The following DPP9 variants were observed in gnomAD, a reference collection of about 807,000 sequenced individuals.
DPP9 encodes dipeptidyl peptidase IV-related protein-2.
DPP9 carries 50 observed loss-of-function variants against 110.7 expected under a neutral mutation model. That is an observed-to-expected ratio of 0.45 (90% CI 0.36 to 0.57). The LOEUF is 0.57. DPP9 is among the 20% of genes least tolerant of loss of function. The pLI is 0.00. For synonymous variants in DPP9, 561 were observed against 514.4 expected, an observed-to-expected ratio of 1.09 and a Z score of -1.23; for missense variants, 1,022 against 1,217.9, an observed-to-expected ratio of 0.84 and a Z score of 2.39.
rs184824601 is a variant in DPP9, at chr19:4,714,239, C to T, written c.155G>A (p.Arg52His). 2,152 of 1,591,590 alleles carry T rather than the reference C, an allele frequency of 1.4e-3. 1 individual carries two copies. The highest frequency in any genetic ancestry group is 1.8e-3 in the Non-Finnish European group (2,063 of 1,169,910). ...CCACGAGTGCTTCTGCACCTGGAAG[C>T]GGGCGGCCGGGTCATCTGTGGCGGC... ...DAAATDDPAARFQVQKHSWDG... is the reference protein window; with the variant it reads ...DAAATDDPAAHFQVQKHSWDG... Residue 52 changes from arginine (R) to histidine (H), a missense_variant, in exon 4 of 22, where the codon CGC becomes CAC. Coordinates refer to ENST00000262960, the MANE Select transcript of DPP9 (RefSeq NM_139159.5).
rs753775746 is a variant in DPP9, at chr19:4,689,827, C to G, written c.1597-105G>C. On this transcript the variant is annotated intron_variant, in intron 14 of 21. Transcript: ENST00000262960. The surrounding 1 kb of genome is among the most constrained non-coding windows in gnomAD (Gnocchi z 7.0). ...GGCCCCATGTTCCTCGGACTGGGGA[C>G]GCATGCTGTCCTCGCCCAAGTCTGG... The G allele has an allele frequency of 8.0e-7, 1 of 1,252,534 alleles. No homozygotes were observed. Among genetic ancestry groups the G allele is most frequent in the Admixed American group, 2.8e-5 (1 of 35,792 alleles). The allele number at this position is 1,252,534 out of a possible 1,614,324, so 77.6% of individuals were successfully genotyped here. A position where few individuals can be genotyped will look rare whatever the true frequency, so the allele number is the denominator to read the frequency against.
At chr19:4,691,293 G>A (rs1243005559) in intron 13 of DPP9, among the ~76,000 whole-genome samples, 4 of 151,948 alleles carry the variant, frequency 2.6e-5, no homozygotes, top group Non-Finnish European at 4.4e-5. Flanking sequence ...GGGCAACATA[G>A]GGAGACCCTG....
intron 7 of DPP9, among the ~76,000 whole-genome samples, chr19:4,702,993 C>T (rs1415021427): frequency 1.3e-5 from 2 of 151,692 alleles, no homozygotes; most frequent in Non-Finnish European, 2.9e-5. Flanking sequence ...TGTCCCTGGC[C>T]TCCACTCACC....
chr19:4,688,765 T>G lies in DPP9; in HGVS notation c.1877A>C (p.Glu626Ala). 6.9e-7 allele frequency: 1 copy of G among 1,446,996 alleles called. No homozygotes were observed. Among genetic ancestry groups the G allele is most frequent in the Non-Finnish European group, 9.1e-7 (1 of 1,104,378 alleles). 89.6% of individuals were successfully genotyped at this position (1,446,996 alleles called of 1,614,324 possible). A position where few individuals can be genotyped will look rare whatever the true frequency, so the allele number is the denominator to read the frequency against. ...KQPRFWASMM[E>A]AASCPPDYVP... is the part of the protein sequence containing the mutation. ...GGGCAGGGGCTACTCACTGGCTGCCTCCATCATGCTAGCCCAGAAGCGGGG... is the reference window on the plus strand; with the variant it reads ...GGGCAGGGGCTACTCACTGGCTGCCGCCATCATGCTAGCCCAGAAGCGGGG... Residue 626 changes from glutamate (E) to alanine (A), a missense_variant, in exon 16 of 22, where the codon GAG becomes GCG. This residue lies in a region of DPP9 where 810 missense variants were observed against 920.6 expected (regional missense o/e 0.88). Transcript: ENST00000262960.
chr19:4,688,931 G>T, intron 15 of DPP9, 39 bp from the exon 16 acceptor site: 2 of 1,497,244 alleles, frequency 1.3e-6, no homozygotes, highest in Non-Finnish European at 1.8e-6. Context: ...ACGGGATGCC[G>T]CTGCGCCCTT....
chr19:4,694,746 C>A lies in DPP9; in HGVS notation c.1431G>T (p.Lys477Asn), dbSNP rs956480506. Residue 477 changes from lysine (K) to asparagine (N), a missense_variant, in exon 13 of 22, where the codon AAG becomes AAT. Lys to Asn is a moderately conservative substitution (Grantham distance 94, BLOSUM62 0). This residue lies in a region of DPP9 where 810 missense variants were observed against 920.6 expected (regional missense o/e 0.88). Transcript: ENST00000262960. This position sits in a 1 kb window ranked among gnomAD's most constrained non-coding sequence, Gnocchi z 4.0. ...ELCFLRANEC[K>N]TGFCHLYKVT... ...CTTTGTACAAATGGCAGAAGCCGGTCTTGCATTCATTGGCGCGGAGAAAGC... is the reference window on the plus strand; with the variant it reads ...CTTTGTACAAATGGCAGAAGCCGGTATTGCATTCATTGGCGCGGAGAAAGC... 6 of 1,613,804 alleles carry A rather than the reference C, an allele frequency of 3.7e-6. No homozygotes were observed. Among genetic ancestry groups the A allele is most frequent in the Non-Finnish European group, 5.1e-6 (6 of 1,179,874 alleles).
rs1407091207 is a variant in DPP9, at chr19:4,675,558, T to G, written c.*1006A>C. The G allele has an allele frequency of 6.6e-6, 1 of 152,078 alleles. No homozygotes were observed. The allele number at this position is 152,078 out of a possible 1,614,324, so 9.4% of individuals were successfully genotyped here. Reference sequence around the variant, plus strand: ...CCACTGACCAGCAGAGCGTGGAAGTTCGGTGCGTTTCAGTGCCTGCCTGAA... The same window carrying G: ...CCACTGACCAGCAGAGCGTGGAAGTGCGGTGCGTTTCAGTGCCTGCCTGAA... On this transcript the variant is annotated 3_prime_UTR_variant, in exon 22 of 22. Coordinates refer to ENST00000262960, the MANE Select transcript of DPP9 (RefSeq NM_139159.5).
rs898682163 is a variant in DPP9 at position 4,682,355 on chromosome 19, C to T, written c.2474+341G>A. Among the ~76,000 whole-genome samples the T allele has an allele frequency of 7.9e-5, 12 of 152,330 alleles. No individual in the cohort carries two copies. The highest frequency in any genetic ancestry group is 6.5e-4 in the Admixed American group (10 of 15,304). Reference sequence around the variant, plus strand: ...CACAAGACAGAGGCTGTGATGGGGCCTCCAGCAGGATGCAGGGGAGTGGGG... The same window carrying T: ...CACAAGACAGAGGCTGTGATGGGGCTTCCAGCAGGATGCAGGGGAGTGGGG... On this transcript the variant is annotated intron_variant, in intron 20 of 21. Transcript: ENST00000262960. The surrounding 1 kb of genome is among the most constrained non-coding windows in gnomAD (Gnocchi z 7.1).
intron 21 of DPP9, among the ~76,000 whole-genome samples, chr19:4,679,075 C>T (rs1332805020): frequency 2.6e-5 from 4 of 151,362 alleles, no homozygotes; most frequent in Admixed American, 6.6e-5. Flanking sequence ...GAGGGCCCCC[C>T]CTCCTCTACA....
At position 4,704,364 on chromosome 19, in the gene DPP9, C is replaced by G; in HGVS notation, c.427-60G>C. 1.3e-6 allele frequency: 2 copies of G among 1,565,596 alleles called. No homozygotes were observed. Among genetic ancestry groups the G allele is most frequent in the Non-Finnish European group, 1.7e-6 (2 of 1,151,918 alleles). On this transcript the variant is annotated intron_variant, in intron 5 of 21. Coordinates refer to ENST00000262960, the MANE Select transcript of DPP9 (RefSeq NM_139159.5). This position sits in a 1 kb window ranked among gnomAD's most constrained non-coding sequence, Gnocchi z 6.0. ...TGGGCAAAGAGGATCTCCCGCTGGC[C>G]AGGGCAGAGATCCTCGGGCTGGGGC...
rs2090054729 is a variant in DPP9 at position 4,682,577 on chromosome 19, T to C, written c.2474+119A>G. Reference sequence around the variant, plus strand: ...AGGAGCACAGCGGGGAGGCTCCACATGGCCTGAGGCTCCCTGGGCAGGGCC... The same window carrying C: ...AGGAGCACAGCGGGGAGGCTCCACACGGCCTGAGGCTCCCTGGGCAGGGCC... On this transcript the variant is annotated intron_variant, in intron 20 of 21. Coordinates refer to ENST00000262960, the MANE Select transcript of DPP9 (RefSeq NM_139159.5). This position sits in a 1 kb window ranked among gnomAD's most constrained non-coding sequence, Gnocchi z 7.1. 1.3e-5 allele frequency: 18 copies of C among 1,438,458 alleles called. No individual in the cohort carries two copies. In the South Asian group the frequency reaches 2.4e-4, roughly 19 times the overall value. 89.1% of individuals were successfully genotyped at this position (1,438,458 alleles called of 1,614,324 possible). A position where few individuals can be genotyped will look rare whatever the true frequency, so the allele number is the denominator to read the frequency against.
chr19:4,677,878 G>A (rs1293467200), intron 21 of DPP9, among the ~76,000 whole-genome samples: 5 of 152,184 alleles, frequency 3.3e-5, no homozygotes, highest in African/African-American at 7.2e-5. Context: ...CCCAAGGCCC[G>A]GCATGTGACA....
In DPP9 at chr19:4,698,233, G is replaced by A. The variant is rs1461573273; in HGVS notation, c.1075-582C>T. On this transcript the variant is annotated intron_variant, in intron 10 of 21. Transcript: ENST00000262960. The surrounding 1 kb of genome is among the most constrained non-coding windows in gnomAD (Gnocchi z 4.2). ...CCCCATGCTTAAACAGGGCTGGCAC[G>A]GCGTTTCCAGGGTATTGAGAGATAG... Among the ~76,000 whole-genome samples, 2 of 152,144 alleles carry A rather than the reference G, an allele frequency of 1.3e-5. No homozygotes were observed. The highest frequency in any genetic ancestry group is 2.1e-4 in the South Asian group (1 of 4,820).
At chr19:4,703,540 G>A (rs1247455374) in intron 7 of DPP9, among the ~76,000 whole-genome samples, 1 of 151,924 alleles carries the variant, frequency 6.6e-6, no homozygotes, top group Non-Finnish European at 1.5e-5. Context: ...GGAGGCTGAG[G>A]CAGGAGAATC....
Position 4,704,037 on chromosome 19 carries a change from C to T in DPP9, c.618G>A (p.Pro206=), listed in dbSNP as rs771392403. ...CTGAGCACTGGGTCTTGATTTCCAG[C>T]GGTTTCATAGGGGACACCTGAGGAC... ...KNGFMVSPMK[P]LEIKTQCSGP... Residue 206 remains proline (P), a synonymous_variant, in exon 7 of 22, where the codon CCG becomes CCA. Transcript: ENST00000262960. The surrounding 1 kb of genome is among the most constrained non-coding windows in gnomAD (Gnocchi z 6.0). 2.3e-5 allele frequency: 37 copies of T among 1,613,848 alleles called. No homozygotes were observed. In the East Asian group the frequency reaches 2.9e-4, roughly 13 times the overall value.
intron 4 of DPP9, among the ~76,000 whole-genome samples, chr19:4,708,198 C>T (rs2092679217): frequency 6.6e-6 from 1 of 152,176 alleles, no homozygotes; most frequent in African/African-American, 2.4e-5. Flanking sequence ...AGCCCAGGCC[C>T]TGAGCCAAAA....
At chr19:4,721,785 A>C (rs1264625436) in intron 2 of DPP9, among the ~76,000 whole-genome samples, 4 of 152,196 alleles carry the variant, frequency 2.6e-5, no homozygotes, top group Non-Finnish European at 4.4e-5. Context: ...CTCAAAAACA[A>C]AAGAAGAGAG....
rs143868816 is a variant in DPP9 at position 4,693,219 on chromosome 19, G to A, written c.1516+1442C>T. ...CCCCAGAGAACCACCCGGCCCTGGC[G>A]TCCATGGTGTCCCTGCTCTAACTTT... On this transcript the variant is annotated intron_variant, in intron 13 of 21. Transcript: ENST00000262960. This position sits in a 1 kb window ranked among gnomAD's most constrained non-coding sequence, Gnocchi z 5.0. Among the ~76,000 whole-genome samples, 23 of 152,222 alleles carry A rather than the reference G, an allele frequency of 1.5e-4. No individual in the cohort carries two copies. Among genetic ancestry groups the A allele is most frequent in the East Asian group, 5.8e-4 (3 of 5,170 alleles).
In DPP9 at chr19:4,687,366, G is replaced by C. The variant is rs542333558; in HGVS notation, c.1885+1391C>G. On this transcript the variant is annotated intron_variant, in intron 16 of 21. Coordinates refer to ENST00000262960, the MANE Select transcript of DPP9 (RefSeq NM_139159.5). This position sits in a 1 kb window ranked among gnomAD's most constrained non-coding sequence, Gnocchi z 4.7. Reference sequence around the variant, plus strand: ...CTGAGTGATGCCTGGGAGCCCAGCAGTGTGCTGACCCGCTGGTTTTCATCC... The same window carrying C: ...CTGAGTGATGCCTGGGAGCCCAGCACTGTGCTGACCCGCTGGTTTTCATCC... 7.0e-4 allele frequency among the ~76,000 whole-genome samples: 107 copies of C among 152,354 alleles called. 5 individuals carry two copies. The South Asian group carries it at 0.022, about 31-fold the overall frequency.
Sources: allele counts gnomAD v4.1 joint callset (sites outside exome capture counted in the v4.1 genomes callset), GRCh38; gene constraint gnomAD v4.1.1; regional missense constraint gnomAD v4.1.1; non-coding constraint Gnocchi (gnomAD v3.1); transcripts MANE v1.5; gene names NCBI Gene and HGNC (gene_info 2026-07-23, HGNC 2026-07-21).